FREM3: variants seen among roughly 807,000 people sequenced by gnomAD.
The protein encoded by FREM3 is FRAS1 related extracellular matrix 3, also known as FRAS1-related extracellular matrix protein 3.
FREM3 carries 105 observed loss-of-function variants against 129.1 expected under a neutral mutation model. That is an observed-to-expected ratio of 0.81 (90% CI 0.69 to 0.96). FREM3 has a LOEUF of 0.96. FREM3 is among the 40% of genes least tolerant of loss of function. The pLI is 0.00. For missense variants in FREM3, 2,593 were observed against 2,666.3 expected (o/e 0.97, Z 0.61); for synonymous variants, 1,014 against 1,044.9 (o/e 0.97, Z 0.57).
chr4:143,585,191 T>C lies in FREM3; in HGVS notation c.6178+653A>G, dbSNP rs1738217220. 6.6e-6 allele frequency among the ~76,000 whole-genome samples: 1 copy of C among 152,156 alleles called. No individual in the cohort carries two copies. Among genetic ancestry groups the C allele is most frequent in the Non-Finnish European group, 1.5e-5 (1 of 68,030 alleles). ...TCAAAAAGTTAGAAAGATATAAAAT[T>C]AACAACCTAACACCACACCAAAAGG... On this transcript the variant is annotated intron_variant, in intron 7 of 7. Transcript: ENST00000329798. The surrounding 1 kb of genome is among the most constrained non-coding windows in gnomAD (Gnocchi z 4.2).
chr4:143,698,877 G>A lies in FREM3; in HGVS notation c.1799C>T (p.Ala600Val), dbSNP rs982567863. The change falls in exon 1 of 8, where the codon GCC (alanine) becomes GTC (valine). Residue 600 changes from alanine to valine, a missense_variant. By Grantham distance (64) the Ala-to-Val change is moderately conservative. Coordinates refer to ENST00000329798, the MANE Select transcript of FREM3 (RefSeq NM_001168235.2). ...GTGGCCTGAGTGGGAGGAACCAGGG[G>A]CCAACTCCCACTGAGGCTCTTCCTC... ...GNEEEPQWEL[A>V]PGSSHSGHYL... The A allele has an allele frequency of 6.5e-7, 1 of 1,537,406 alleles. No homozygotes were observed. The highest frequency in any genetic ancestry group is 8.7e-7 in the Non-Finnish European group (1 of 1,146,952).
At chr4:143,633,544 G>A (rs75348636) in intron 2 of FREM3, among the ~76,000 whole-genome samples, 14,982 of 152,164 alleles carry the variant, frequency 0.098, 823 homozygotes, top group Non-Finnish European at 0.12. Context: ...TTTTTGTCTT[G>A]TTGTGTTTGT....
chr4:143,693,454 G>C (rs986611091), intron 1 of FREM3, among the ~76,000 whole-genome samples: 1 of 152,128 alleles, frequency 6.6e-6, no homozygotes, highest in Admixed American at 6.6e-5. Flanking sequence ...AATAACAGAT[G>C]CTGGGTGAGA....
At chr4:143,636,088 A>G (rs1739228659) in intron 2 of FREM3, among the ~76,000 whole-genome samples, 1 of 152,074 alleles carries the variant, frequency 6.6e-6, no homozygotes, top group Admixed American at 6.6e-5. Flanking sequence ...CAGGACAAAT[A>G]TCATCTTTAT....
chr4:143,695,389 C>A, intron 1 of FREM3, 102 bp downstream of exon 1: 1 of 1,005,012 alleles, frequency 1.0e-6, no homozygotes, highest in East Asian at 2.6e-5. Flanking sequence ...GAACAAGAAT[C>A]TTACTGCAAA....
rs1279365824 is a variant in FREM3 at position 143,700,525 on chromosome 4, C to T, written c.151G>A (p.Ala51Thr). 2 of 1,519,370 alleles carry T rather than the reference C, an allele frequency of 1.3e-6. No homozygotes were observed. The highest frequency in any genetic ancestry group is 4.0e-5 in the Admixed American group (2 of 49,830). 94.1% of individuals were successfully genotyped at this position (1,519,370 alleles called of 1,614,324 possible). A position where few individuals can be genotyped will look rare whatever the true frequency, so the allele number is the denominator to read the frequency against. Residue 51 changes from alanine (A) to threonine (T), a missense_variant, in exon 1 of 8, where the codon GCG becomes ACG. This residue lies in a region of FREM3 where 2,276 missense variants were observed against 2,267.2 expected (regional missense o/e 1.00). Coordinates refer to ENST00000329798, the MANE Select transcript of FREM3 (RefSeq NM_001168235.2). ...CCGTCGGGGCGAGTGCCGTCAAGCG[C>T]ACCCCGGGCGGGCAGGTAAAGCGCC... is the stretch of plus-strand genomic sequence containing the variant. ...DPALYLPARG[A>T]LDGTRPDGPS... is the part of the protein sequence containing the mutation.
At chr4:143,667,326 T>C (rs1284150279) in intron 2 of FREM3, among the ~76,000 whole-genome samples, 2 of 152,178 alleles carry the variant, frequency 1.3e-5, no homozygotes, top group Non-Finnish European at 2.9e-5. Context: ...GATTTGTCTT[T>C]TCTCTCTTTA....
At chr4:143,653,342 C>T (rs1244953215) in intron 2 of FREM3, among the ~76,000 whole-genome samples, 1 of 152,200 alleles carries the variant, frequency 6.6e-6, no homozygotes, top group East Asian at 1.9e-4. Flanking sequence ...AATTCATTTA[C>T]TTGTGGTCAT....
At chr4:143,591,914 C>G (rs533826498) in intron 6 of FREM3, among the ~76,000 whole-genome samples, 1 of 152,340 alleles carries the variant, frequency 6.6e-6, no homozygotes, top group South Asian at 2.1e-4. Flanking sequence ...CTTTATGAAT[C>G]TGGATGCTCC....
intron 7 of FREM3, among the ~76,000 whole-genome samples, chr4:143,580,759 C>T (rs746939520): frequency 6.6e-6 from 1 of 152,246 alleles, no homozygotes; most frequent in Non-Finnish European, 1.5e-5. Flanking sequence ...GCAGGCCTGT[C>T]AGTTTTGCTG....
intron 6 of FREM3, among the ~76,000 whole-genome samples, chr4:143,586,245 T>G (rs1738242152): frequency 1.3e-5 from 2 of 152,226 alleles, no homozygotes; most frequent in South Asian, 4.1e-4. Flanking sequence ...TTCATTTTTT[T>G]GTTTTAAGAA....
At chr4:143,685,654 T>C (rs1459271671) in intron 2 of FREM3, among the ~76,000 whole-genome samples, 3 of 152,226 alleles carry the variant, frequency 2.0e-5, no homozygotes, top group Non-Finnish European at 2.9e-5. Flanking sequence ...GCACGATGAC[T>C]GCAATAGTAC....
intron 2 of FREM3, among the ~76,000 whole-genome samples, chr4:143,689,581 C>T (rs764466046): frequency 3.9e-5 from 6 of 152,118 alleles, no homozygotes; most frequent in Admixed American, 2.6e-4. Flanking sequence ...TACTTGCACA[C>T]GCGTGTTTAC....
chr4:143,651,179 G>A (rs1237772800), intron 2 of FREM3, among the ~76,000 whole-genome samples: 4 of 152,154 alleles, frequency 2.6e-5, no homozygotes, highest in Admixed American at 6.6e-5. Flanking sequence ...TTAAAAACAC[G>A]TATCTCCCTG....
chr4:143,590,687 G>A (rs1176844888), intron 6 of FREM3, among the ~76,000 whole-genome samples: 1 of 152,156 alleles, frequency 6.6e-6, no homozygotes, highest in Non-Finnish European at 1.5e-5. Flanking sequence ...AAGGATATTG[G>A]TCTAAAATTC....
intron 2 of FREM3, among the ~76,000 whole-genome samples, chr4:143,653,215 A>G (rs1739542981): frequency 6.6e-6 from 1 of 152,206 alleles, no homozygotes; most frequent in Admixed American, 6.5e-5. Flanking sequence ...CAACTTAGCT[A>G]GAGCCCCTGC....
At chr4:143,641,390 G>A (rs1739319068) in intron 2 of FREM3, among the ~76,000 whole-genome samples, 1 of 152,180 alleles carries the variant, frequency 6.6e-6, no homozygotes, top group Admixed American at 6.5e-5. Flanking sequence ...AGAACCAAGT[G>A]TATTCACTAA....
chr4:143,585,601 T>C lies in FREM3; in HGVS notation c.6178+243A>G, dbSNP rs1738226906. Among the ~76,000 whole-genome samples the C allele has an allele frequency of 6.6e-6, 1 of 152,110 alleles. No homozygotes were observed. On this transcript the variant is annotated intron_variant, in intron 7 of 7. Coordinates refer to ENST00000329798, the MANE Select transcript of FREM3 (RefSeq NM_001168235.2). This position sits in a 1 kb window ranked among gnomAD's most constrained non-coding sequence, Gnocchi z 4.2. ...ATAAATATTCTGAACTTTGGAAAAATTAATGTGAGCCCATGACAAGCCAGT... is the reference window on the plus strand; with the variant it reads ...ATAAATATTCTGAACTTTGGAAAAACTAATGTGAGCCCATGACAAGCCAGT...
At chr4:143,687,265 T>G (rs1560872951) in intron 2 of FREM3, among the ~76,000 whole-genome samples, 1 of 152,090 alleles carries the variant, frequency 6.6e-6, no homozygotes, top group Non-Finnish European at 1.5e-5. Flanking sequence ...GATAAATTTC[T>G]GGAAAAATAC....
Sources: gnomAD v4.1 joint callset for allele counts (sites outside exome capture counted in the v4.1 genomes callset) on GRCh38, gnomAD v4.1.1 for gene constraint, gnomAD v4.1.1 regional missense constraint, Gnocchi (gnomAD v3.1) non-coding constraint, MANE v1.5 for transcripts, NCBI Gene and HGNC (gene_info 2026-07-23, HGNC 2026-07-21) for gene names.